RHOH: variants seen among roughly 807,000 people sequenced by gnomAD.
The protein encoded by RHOH is ras homolog family member H.
RHOH carries 6 observed loss-of-function variants against 13.8 expected under a neutral mutation model. That is an observed-to-expected ratio of 0.44 (90% CI 0.24 to 0.86). The LOEUF is 0.86. RHOH is among the 40% of genes least tolerant of loss of function. The pLI is 0.24. For synonymous variants in RHOH, 117 were observed against 103.0 expected (o/e 1.14, Z -0.82); for missense variants, 147 against 244.5 (o/e 0.60, Z 2.66).
intron 1 of RHOH, among the ~76,000 whole-genome samples, chr4:40,235,982 A>G (rs1728520673): frequency 1.0e-5 from 1 of 98,560 alleles, no homozygotes; most frequent in Admixed American, 1.1e-4. Flanking sequence ...AGCCTGTCTT[A>G]AAGAAAAAAA....
At chr4:40,217,280 T>C (rs188531145) in intron 1 of RHOH, among the ~76,000 whole-genome samples, 102 of 152,304 alleles carry the variant, frequency 6.7e-4, no homozygotes, top group African/African-American at 1.3e-3. Flanking sequence ...AAAGTGACTA[T>C]CCAGTGACAC....
At chr4:40,234,151 A>G (rs1300093290) in intron 1 of RHOH, among the ~76,000 whole-genome samples, 1 of 146,636 alleles carries the variant, frequency 6.8e-6, no homozygotes, top group East Asian at 2.0e-4. Context: ...CTCAGGCCCC[A>G]AACATGGATA....
rs1383996977 is a variant in RHOH, at chr4:40,199,228, T to TA, written c.-331+1928_-331+1929insA. 3.3e-3 allele frequency among the ~76,000 whole-genome samples: 494 copies of TA among 148,772 alleles called. 7 individuals carry two copies. The highest frequency in any genetic ancestry group is 0.012 in the African/African-American group (460 of 38,376). ...TAAAGCATGTAGCCTAGTGCCTGAC[T>TA]GAAAAAAAAATCTCTCAATAGATGC... On this transcript the variant is annotated intron_variant, in intron 1 of 2. Transcript: ENST00000381799.
At chr4:40,223,642 A>T (rs1463581483) in intron 1 of RHOH, among the ~76,000 whole-genome samples, 11 of 151,588 alleles carry the variant, frequency 7.3e-5, no homozygotes, top group Middle Eastern at 3.4e-3. Flanking sequence ...TTAAAAAAAA[A>T]TTTTTATCTA....
rs142650334 is a variant in RHOH, at chr4:40,238,862, C to G, written c.-330-3852C>G. Among the ~76,000 whole-genome samples the G allele has an allele frequency of 4.8e-3, 725 of 152,234 alleles. 9 individuals are homozygous for G. The highest frequency in any genetic ancestry group is 0.017 in the African/African-American group (689 of 41,532). On this transcript the variant is annotated intron_variant, in intron 1 of 2. Transcript: ENST00000381799. Reference sequence around the variant, plus strand: ...AGACTCACTTTTTTTCACCCAGAAGCCCTTTTAGGGAGAATTTCTTTAGGA... The same window carrying G: ...AGACTCACTTTTTTTCACCCAGAAGGCCTTTTAGGGAGAATTTCTTTAGGA...
chr4:40,200,755 C>T (rs1328516442), intron 1 of RHOH, among the ~76,000 whole-genome samples: 2 of 152,180 alleles, frequency 1.3e-5, no homozygotes. Flanking sequence ...CGCAAACGTA[C>T]GGTGCCGCTC....
At chr4:40,206,997 A>G (rs1560687862) in intron 1 of RHOH, among the ~76,000 whole-genome samples, 2 of 152,134 alleles carry the variant, frequency 1.3e-5, no homozygotes, top group South Asian at 2.1e-4. Context: ...TCACGAGGTC[A>G]GGAGTTCAAG....
chr4:40,209,263 G>A (rs987445737), intron 1 of RHOH, among the ~76,000 whole-genome samples: 1 of 152,102 alleles, frequency 6.6e-6, no homozygotes, highest in African/African-American at 2.4e-5. Flanking sequence ...CATAGAAAAC[G>A]ACTTTTAGTG....
At position 40,199,229 on chromosome 4, in the gene RHOH, G is replaced by A. The variant is rs181596948; in HGVS notation, c.-331+1929G>A. Among the ~76,000 whole-genome samples the A allele has an allele frequency of 3.3e-3, 495 of 151,560 alleles. 7 individuals carry two copies. Among genetic ancestry groups the A allele is most frequent in the African/African-American group, 0.011 (460 of 41,344 alleles). ...AAAGCATGTAGCCTAGTGCCTGACTGAAAAAAAAATCTCTCAATAGATGCA... is the reference window on the plus strand; with the variant it reads ...AAAGCATGTAGCCTAGTGCCTGACTAAAAAAAAAATCTCTCAATAGATGCA... On this transcript the variant is annotated intron_variant, in intron 1 of 2. Coordinates refer to ENST00000381799, the MANE Select transcript of RHOH (RefSeq NM_004310.5).
At chr4:40,242,195 C>G (rs781325893) in intron 1 of RHOH, among the ~76,000 whole-genome samples, 6 of 152,230 alleles carry the variant, frequency 3.9e-5, no homozygotes, top group Non-Finnish European at 8.8e-5. Flanking sequence ...TCCCACTGCA[C>G]TGAATGAGAA....
At chr4:40,232,227 A>G (rs960378524) in intron 1 of RHOH, among the ~76,000 whole-genome samples, 1 of 87,380 alleles carries the variant, frequency 1.1e-5, no homozygotes, top group African/African-American at 3.5e-5. Flanking sequence ...GATTGGTAAC[A>G]GTTTTTTTAT....
chr4:40,231,465 A>G (rs1000554995), intron 1 of RHOH, among the ~76,000 whole-genome samples: 2 of 152,052 alleles, frequency 1.3e-5, no homozygotes, highest in Non-Finnish European at 2.9e-5. Flanking sequence ...TAGCCTTGTC[A>G]TATGACGGCA....
intron 1 of RHOH, among the ~76,000 whole-genome samples, chr4:40,223,296 A>G (rs1457443566): frequency 6.6e-6 from 1 of 152,120 alleles, no homozygotes; most frequent in East Asian, 1.9e-4. Flanking sequence ...CTACAGAGAA[A>G]TCTTTCATGA....
intron 1 of RHOH, among the ~76,000 whole-genome samples, chr4:40,231,769 T>G (rs2109515789): frequency 6.9e-6 from 1 of 145,984 alleles, no homozygotes; most frequent in African/African-American, 2.6e-5. Context: ...CACTTGCCTC[T>G]TTGGTCTTTC....
At chr4:40,208,035 C>G (rs995913871) in intron 1 of RHOH, among the ~76,000 whole-genome samples, 1 of 151,780 alleles carries the variant, frequency 6.6e-6, no homozygotes, top group African/African-American at 2.4e-5. Flanking sequence ...AAAAAATCAC[C>G]AGCGTTTTCA....
intron 1 of RHOH, among the ~76,000 whole-genome samples, chr4:40,221,314 T>A (rs554531058): frequency 4.9e-4 from 75 of 152,306 alleles, no homozygotes; most frequent in Non-Finnish European, 7.1e-4. Flanking sequence ...GGTTGCTTTT[T>A]TTCAGTTACT....
At chr4:40,223,335 T>G (rs1489102258) in intron 1 of RHOH, among the ~76,000 whole-genome samples, 2 of 152,140 alleles carry the variant, frequency 1.3e-5, no homozygotes, top group African/African-American at 4.8e-5. Flanking sequence ...GTGGCAAACT[T>G]CATTGTTGTC....
chr4:40,198,420 G>C (rs1723512186), intron 1 of RHOH, among the ~76,000 whole-genome samples: 1 of 152,212 alleles, frequency 6.6e-6, no homozygotes, highest in Non-Finnish European at 1.5e-5. Flanking sequence ...ACAAAAGCGA[G>C]GACCTTGCAG....
chr4:40,236,072 C>T (rs13103342), intron 1 of RHOH, among the ~76,000 whole-genome samples: 129,518 of 152,000 alleles, frequency 0.85, 55,844 homozygotes, highest in Non-Finnish European at 0.9. Flanking sequence ...GTTTGAGATG[C>T]CTTGGAGAAG....
Sources: gnomAD v4.1 joint callset for allele counts (sites outside exome capture counted in the v4.1 genomes callset) on GRCh38, gnomAD v4.1.1 for gene constraint, MANE v1.5 for transcripts, NCBI Gene and HGNC (gene_info 2026-07-23, HGNC 2026-07-21) for gene names.